ZNF804B: variants seen among roughly 807,000 people sequenced by gnomAD.
ZNF804B encodes the protein zinc finger protein 804B, also known as zinc finger 804B.
A neutral mutation model predicts 101.4 loss-of-function variants in ZNF804B; 80 were observed. The ratio of observed to expected loss-of-function variants is 0.79; its 90% CI spans 0.66 to 0.95. The LOEUF (loss-of-function observed/expected upper bound fraction) is 0.95. Among genes scored for constraint, ZNF804B ranks in the 40% least tolerant of loss-of-function variants. The probability of loss-of-function intolerance (pLI) is 0.00; values close to 1 mark genes in which losing one functional copy is unlikely to be tolerated. For synonymous variants in ZNF804B, 622 were observed against 558.8 expected (o/e 1.11, Z -1.59); for missense variants, 1,673 against 1,561.9 (o/e 1.07, Z -1.20).
intron 1 of ZNF804B, among the ~76,000 whole-genome samples, chr7:89,008,021 G>T (rs938192732): frequency 6.6e-6 from 1 of 151,984 alleles, no homozygotes; most frequent in African/African-American, 2.4e-5. Context: ...AATCAGTCTT[G>T]TGCAAGTTAA....
At chr7:88,917,884 C>A (rs1344241146) in intron 1 of ZNF804B, among the ~76,000 whole-genome samples, 1 of 151,930 alleles carries the variant, frequency 6.6e-6, no homozygotes, top group Non-Finnish European at 1.5e-5. Context: ...ACTCAGAATA[C>A]ACAGATAGAT....
rs147066300 is a variant in ZNF804B, at chr7:89,316,527, C to T, written c.250-10817C>T. Among the ~76,000 whole-genome samples the T allele has an allele frequency of 8.6e-3, 1,305 of 151,996 alleles. 13 individuals carry two copies. The highest frequency in any genetic ancestry group is 0.03 in the African/African-American group (1,226 of 41,422). On this transcript the variant is annotated intron_variant, in intron 2 of 3. Coordinates refer to ENST00000333190, the MANE Select transcript of ZNF804B (RefSeq NM_181646.5). ...CAAAAATAAAGGGAAAAGCCACAAA[C>T]GCAGAAAAAGGAAGGGAAATTAAGA...
chr7:88,952,933 C>T (rs1484338894), intron 1 of ZNF804B, among the ~76,000 whole-genome samples: 1 of 151,742 alleles, frequency 6.6e-6, no homozygotes, highest in Non-Finnish European at 1.5e-5. Context: ...GATTGATTTG[C>T]AAGTGTTACT....
intron 1 of ZNF804B, among the ~76,000 whole-genome samples, chr7:89,052,513 C>T (rs186666402): frequency 6.6e-6 from 1 of 152,196 alleles, no homozygotes. Flanking sequence ...AAAATTGCTA[C>T]ATTGAACATT....
intron 1 of ZNF804B, among the ~76,000 whole-genome samples, chr7:88,917,745 G>T (rs1792657531): frequency 6.6e-6 from 1 of 152,146 alleles, no homozygotes; most frequent in Non-Finnish European, 1.5e-5. Context: ...ACAAAAGAGG[G>T]ATGGGTTGTT....
intron 1 of ZNF804B, among the ~76,000 whole-genome samples, chr7:89,185,056 C>A (rs1035903009): frequency 1.3e-5 from 2 of 151,938 alleles, no homozygotes; most frequent in African/African-American, 4.8e-5. Context: ...CTAAGGGATA[C>A]AAAATAAGTA....
intron 1 of ZNF804B, among the ~76,000 whole-genome samples, chr7:88,817,480 G>C (rs1790903970): frequency 6.6e-6 from 1 of 152,106 alleles, no homozygotes; most frequent in Non-Finnish European, 1.5e-5. Flanking sequence ...AATTGTCCAT[G>C]AAGGGAAAGG....
At chr7:88,940,698 G>A (rs1473250454) in intron 1 of ZNF804B, among the ~76,000 whole-genome samples, 1 of 151,128 alleles carries the variant, frequency 6.6e-6, no homozygotes. Flanking sequence ...GAGCTAGGGA[G>A]GTAGAGCTGC....
intron 1 of ZNF804B, among the ~76,000 whole-genome samples, chr7:89,046,445 T>G (rs1054571200): frequency 1.3e-5 from 2 of 152,138 alleles, no homozygotes; most frequent in African/African-American, 4.8e-5. Flanking sequence ...CACAAATAAA[T>G]GAAATTATAA....
chr7:88,875,826 C>G (rs906781154), intron 1 of ZNF804B, among the ~76,000 whole-genome samples: 1 of 152,168 alleles, frequency 6.6e-6, no homozygotes, highest in Non-Finnish European at 1.5e-5. Flanking sequence ...CAGCATCGTC[C>G]TGATACTAAA....
intron 1 of ZNF804B, among the ~76,000 whole-genome samples, chr7:88,873,804 G>A (rs1791879431): frequency 6.6e-6 from 1 of 152,060 alleles, no homozygotes; most frequent in East Asian, 1.9e-4. Flanking sequence ...ATTTCTGAGG[G>A]CTCTGTTCTG....
chr7:89,255,670 G>A (rs558620894), intron 2 of ZNF804B, among the ~76,000 whole-genome samples: 249 of 152,240 alleles, frequency 1.6e-3, no homozygotes, highest in South Asian at 8.1e-3. Flanking sequence ...TATAATTGTA[G>A]TGGAGGAAAT....
chr7:89,300,599 T>C (rs899464398), intron 2 of ZNF804B, among the ~76,000 whole-genome samples: 2 of 151,990 alleles, frequency 1.3e-5, no homozygotes, highest in African/African-American at 2.4e-5. Flanking sequence ...GATTATGGCA[T>C]ATTTGAGTCA....
At chr7:89,229,058 G>A (rs1251935646) in intron 2 of ZNF804B, among the ~76,000 whole-genome samples, 1 of 151,402 alleles carries the variant, frequency 6.6e-6, no homozygotes, top group Admixed American at 6.6e-5. Flanking sequence ...CCTGGAACTC[G>A]CGCTGGCACG....
intron 1 of ZNF804B, among the ~76,000 whole-genome samples, chr7:89,179,343 T>G (rs113475416): frequency 6.6e-6 from 1 of 152,256 alleles, no homozygotes; most frequent in South Asian, 2.1e-4. Context: ...TTGAATTCTT[T>G]TATATTCTTT....
At chr7:89,046,685 G>A (rs908199235) in intron 1 of ZNF804B, among the ~76,000 whole-genome samples, 16 of 151,938 alleles carry the variant, frequency 1.1e-4, no homozygotes, top group African/African-American at 3.4e-4. Flanking sequence ...TTTTGATTTT[G>A]ATTTTCCTTT....
Position 89,336,678 on chromosome 7 carries a change from T to G in ZNF804B, c.3696T>G (p.Ile1232Met), listed in dbSNP as rs115968745. 1,454 of 1,614,098 alleles carry G rather than the reference T, an allele frequency of 9.0e-4. 17 individuals are homozygous for G. In the African/African-American group the frequency reaches 0.017, roughly 19 times the overall value. ...SLSSHSSHLP[I>M]AHLHPLSQAH... is the part of the protein sequence containing the mutation. ...GTTCTCATAGCAGTCACCTCCCTAT[T>G]GCTCATCTACATCCTCTTTCACAGG... Residue 1232 changes from isoleucine (I) to methionine (M), a missense_variant, in exon 4 of 4, where the codon ATT (isoleucine) becomes ATG (methionine). Physicochemically the swap from Ile to Met is conservative, Grantham distance 10. Coordinates refer to ENST00000333190, the MANE Select transcript of ZNF804B (RefSeq NM_181646.5).
Position 89,226,255 on chromosome 7 carries a change from A to C in ZNF804B, c.249+7960A>C, listed in dbSNP as rs188478959. On this transcript the variant is annotated intron_variant, in intron 2 of 3. Coordinates refer to ENST00000333190, the MANE Select transcript of ZNF804B (RefSeq NM_181646.5). Reference sequence around the variant, plus strand: ...TTAAATTTTTCTTACTAACAGTTCCATTTGGTAAGTATCCTAGGAAAATAA... The same window carrying C: ...TTAAATTTTTCTTACTAACAGTTCCCTTTGGTAAGTATCCTAGGAAAATAA... Among the ~76,000 whole-genome samples the C allele has an allele frequency of 1.1e-4, 17 of 152,188 alleles. No homozygotes were observed. In the East Asian group the frequency reaches 3.3e-3, roughly 29 times the overall value.
chr7:89,177,608 A>G (rs959247424), intron 1 of ZNF804B, among the ~76,000 whole-genome samples: 1 of 152,298 alleles, frequency 6.6e-6, no homozygotes, highest in South Asian at 2.1e-4. Flanking sequence ...TTATATAGAC[A>G]TCTATTAGGT....
Sources: allele counts gnomAD v4.1 joint callset (sites outside exome capture counted in the v4.1 genomes callset), GRCh38; gene constraint gnomAD v4.1.1; transcripts MANE v1.5; gene names NCBI Gene and HGNC (gene_info 2026-07-23, HGNC 2026-07-21).